PDE10A: variants seen among roughly 807,000 people sequenced by gnomAD.
PDE10A encodes the protein phosphodiesterase 10A.
Under a neutral mutation model 97.7 loss-of-function variants are expected in PDE10A, and 39 were observed. The observed-to-expected ratio is 0.40, with a 90% CI of 0.31 to 0.52. The LOEUF (loss-of-function observed/expected upper bound fraction) is 0.52, where lower values mean the gene tolerates loss of function less well. Among genes scored for constraint, PDE10A ranks in the 20% least tolerant of loss-of-function variants. The probability of loss-of-function intolerance (pLI) is 0.56; values close to 1 mark genes in which losing one functional copy is unlikely to be tolerated. For synonymous variants in PDE10A, 371 were observed against 376.8 expected, an observed-to-expected ratio of 0.98 and a Z score of 0.18; for missense variants, 731 against 1,047.8, an observed-to-expected ratio of 0.70 and a Z score of 4.17.
At chr6:165,846,527 G>A (rs1236711729) in intron 1 of PDE10A, among the ~76,000 whole-genome samples, 1 of 152,214 alleles carries the variant, frequency 6.6e-6, no homozygotes, top group Non-Finnish European at 1.5e-5. Flanking sequence ...GGCTCCGCGT[G>A]CTTTCATTTT....
intron 19 of PDE10A, 30 bp downstream of exon 19, chr6:165,343,357 ACTAT>A (rs754056892): frequency 1.9e-5 from 25 of 1,350,866 alleles, no homozygotes; most frequent in South Asian, 4.7e-5. Flanking sequence ...ATTTCTCCTC[ACTAT>A]CTATGTCAAT....
At chr6:165,894,592 T>C (rs1183635024) in intron 1 of PDE10A, 7 of 453,436 alleles carry the variant, frequency 1.5e-5, no homozygotes, top group Non-Finnish European at 2.7e-5. Flanking sequence ...ACCACAACCC[T>C]GTACTACATA....
chr6:165,756,330 A>C (rs1793116904), intron 1 of PDE10A, among the ~76,000 whole-genome samples: 1 of 152,136 alleles, frequency 6.6e-6, no homozygotes, highest in African/African-American at 2.4e-5. Flanking sequence ...ATTGTTCAAA[A>C]ATTTTTTAAA....
At chr6:165,632,035 T>C (rs1562645147) in intron 1 of PDE10A, among the ~76,000 whole-genome samples, 1 of 151,742 alleles carries the variant, frequency 6.6e-6, no homozygotes. Flanking sequence ...ACTCTGCCTT[T>C]ACTAAATACA....
intron 1 of PDE10A, among the ~76,000 whole-genome samples, chr6:165,574,179 T>C (rs998138859): frequency 1.3e-5 from 2 of 152,064 alleles, no homozygotes; most frequent in African/African-American, 2.4e-5. Context: ...TCTAGCTGTA[T>C]ATGAGAACCA....
chr6:165,569,858 A>G (rs1462556315), intron 1 of PDE10A, among the ~76,000 whole-genome samples: 4 of 152,230 alleles, frequency 2.6e-5, no homozygotes, highest in Non-Finnish European at 4.4e-5. Context: ...AAAAGAAAAA[A>G]ATTGAAAGTG....
intron 13 of PDE10A, among the ~76,000 whole-genome samples, chr6:165,397,482 G>A (rs1786258676): frequency 1.3e-5 from 2 of 152,134 alleles, no homozygotes; most frequent in Admixed American, 1.3e-4. Context: ...CACCCAGGTA[G>A]GTGGATCATC....
At chr6:165,907,237 T>C (rs1269019482) in intron 1 of PDE10A, among the ~76,000 whole-genome samples, 2 of 152,058 alleles carry the variant, frequency 1.3e-5, no homozygotes, top group African/African-American at 4.8e-5. Flanking sequence ...CCTGCCGCCG[T>C]GGTTGCAGGA....
chr6:165,525,153 G>A (rs1298597832), intron 2 of PDE10A, among the ~76,000 whole-genome samples: 2 of 152,122 alleles, frequency 1.3e-5, no homozygotes, highest in Non-Finnish European at 2.9e-5. Flanking sequence ...GTAAAGTTGA[G>A]AGTGTGACCC....
At chr6:165,849,780 A>G (rs2128474649) in intron 1 of PDE10A, among the ~76,000 whole-genome samples, 1 of 151,864 alleles carries the variant, frequency 6.6e-6, no homozygotes, top group Admixed American at 6.6e-5. Flanking sequence ...CTGAATGACT[A>G]CAGTTTGTCA....
At chr6:165,379,416 A>T in intron 17 of PDE10A, 50 bp from the exon 18 acceptor site, 2 of 1,396,434 alleles carry the variant, frequency 1.4e-6, no homozygotes, top group Non-Finnish European at 9.9e-7. Context: ...ACAAGCTCTA[A>T]TCTTATGACA....
At chr6:165,544,874 A>G (rs1783659823) in intron 1 of PDE10A, among the ~76,000 whole-genome samples, 1 of 152,076 alleles carries the variant, frequency 6.6e-6, no homozygotes, top group Admixed American at 6.5e-5. Flanking sequence ...TATAAGACAA[A>G]TGAAAATAAG....
intron 1 of PDE10A, among the ~76,000 whole-genome samples, chr6:165,677,915 T>C (rs1421411039): frequency 1.3e-5 from 2 of 152,058 alleles, no homozygotes; most frequent in South Asian, 2.1e-4. Flanking sequence ...TATTTGTGTA[T>C]GTGTTTTTGT....
At chr6:165,675,766 T>A (rs1223614455) in intron 1 of PDE10A, among the ~76,000 whole-genome samples, 1 of 152,208 alleles carries the variant, frequency 6.6e-6, no homozygotes, top group African/African-American at 2.4e-5. Flanking sequence ...GCTTGGGATA[T>A]GTAAGTCAAC....
intron 1 of PDE10A, among the ~76,000 whole-genome samples, chr6:165,630,947 T>C (rs1788600957): frequency 6.6e-6 from 1 of 152,236 alleles, no homozygotes; most frequent in African/African-American, 2.4e-5. Context: ...GCCAAAGCTC[T>C]GCCTGGCTTT....
intron 1 of PDE10A, among the ~76,000 whole-genome samples, chr6:165,626,487 G>T (rs1788391894): frequency 1.3e-5 from 2 of 152,136 alleles, no homozygotes; most frequent in South Asian, 2.1e-4. Context: ...TATTTAAATA[G>T]CAGACTTTCA....
chr6:165,804,334 C>CT (rs1779058428), intron 1 of PDE10A, among the ~76,000 whole-genome samples: 1 of 152,142 alleles, frequency 6.6e-6, no homozygotes, highest in African/African-American at 2.4e-5. Flanking sequence ...TTGACAGCTG[C>CT]TACAGGAATG....
chr6:165,975,826 G>A (rs1409729774), intron 1 of PDE10A, among the ~76,000 whole-genome samples: 1 of 152,320 alleles, frequency 6.6e-6, no homozygotes, highest in South Asian at 2.1e-4. Context: ...AACCCTCATG[G>A]ATTTTCCTTT....
At chr6:165,728,137 A>T (rs1792343541) in intron 1 of PDE10A, among the ~76,000 whole-genome samples, 1 of 152,194 alleles carries the variant, frequency 6.6e-6, no homozygotes, top group South Asian at 2.1e-4. Flanking sequence ...ACCTGAGCAC[A>T]ATATTTTCTG....
Sources: allele counts gnomAD v4.1 joint callset (sites outside exome capture counted in the v4.1 genomes callset), GRCh38; gene constraint gnomAD v4.1.1; transcripts MANE v1.5; gene names NCBI Gene and HGNC (gene_info 2026-07-23, HGNC 2026-07-21).